Variants in EYS observed in about 807,000 individuals in gnomAD.
EYS encodes EGF-like photoreceptor maintenance factor, also known as protein eyes shut homolog.
A neutral mutation model predicts 282.1 loss-of-function variants in EYS; 250 were observed. That is an observed-to-expected ratio of 0.89 (90% CI 0.80 to 0.98). The LOEUF is 0.98. Ranked by LOEUF, EYS falls within the 50% of genes least tolerant of loss-of-function variation. EYS has a pLI of 0.00. For missense variants in EYS, 4,016 were observed against 3,709.0 expected, an observed-to-expected ratio of 1.08 and a Z score of -2.15; for synonymous variants, 1,355 against 1,282.9, an observed-to-expected ratio of 1.06 and a Z score of -1.20.
intron 26 of EYS, among the ~76,000 whole-genome samples, chr6:64,550,292 G>C (rs1582883502): frequency 6.6e-6 from 1 of 152,098 alleles, no homozygotes; most frequent in South Asian, 2.1e-4. Context: ...TCTACTTCTA[G>C]ATCCCTGAGG....
chr6:65,450,856 C>A (rs995198751), intron 5 of EYS, among the ~76,000 whole-genome samples: 13 of 152,058 alleles, frequency 8.5e-5, no homozygotes, highest in Admixed American at 8.5e-4. Flanking sequence ...AATATTGATG[C>A]CTTGTTAGCT....
rs373870039 is a variant in EYS, at chr6:65,256,376, G to A, written c.2023+39487C>T. ...GCTGGTGTGCTGCACCCACTAACTC[G>A]TCATCTAGCATTAGGTATATCTCCC... On this transcript the variant is annotated intron_variant, in intron 12 of 42. Coordinates refer to ENST00000503581, the MANE Select transcript of EYS (RefSeq NM_001142800.2). Among the ~76,000 whole-genome samples, 16 of 135,844 alleles carry A rather than the reference G, an allele frequency of 1.2e-4. No individual in the cohort carries two copies. The East Asian group carries it at 2.5e-3, about 21-fold the overall frequency. The allele number at this position is 135,844 out of a possible 152,430, so 89.1% of individuals were successfully genotyped here. A position where few individuals can be genotyped will look rare whatever the true frequency, so the allele number is the denominator to read the frequency against.
At chr6:64,380,814 G>A (rs537155990) in intron 29 of EYS, among the ~76,000 whole-genome samples, 14 of 152,014 alleles carry the variant, frequency 9.2e-5, no homozygotes, top group Admixed American at 3.3e-4. Flanking sequence ...TCAGGAGTTC[G>A]AGACCAGCCT....
Position 64,912,491 on chromosome 6 carries a change from A to C in EYS, c.2634T>G (p.Cys878Trp). The C allele has an allele frequency of 6.4e-7, 1 of 1,550,958 alleles. No individual in the cohort carries two copies. Among genetic ancestry groups the C allele is most frequent in the Non-Finnish European group, 8.7e-7 (1 of 1,146,370 alleles). The change falls in exon 16 of 43, where the codon TGT (cysteine) becomes TGG (tryptophan). Residue 878 changes from cysteine (C) to tryptophan (W), a missense_variant. By Grantham distance (215) the Cys-to-Trp change is radical. Transcript: ENST00000503581. ...ALVDANQHCI[C>W]REEFEGKNCE... ...ATCCATATTAGCTCTTACCTTCTCT[A>C]CAAATACAATGCTGATTTGCGTCTA...
At chr6:65,004,715 CA>C (rs1032765624) in intron 13 of EYS, among the ~76,000 whole-genome samples, 3 of 147,670 alleles carry the variant, frequency 2.0e-5, no homozygotes, top group African/African-American at 7.3e-5. Flanking sequence ...CAACTGCTGT[CA>C]TTCACCTGGC....
chr6:64,477,207 C>A (rs1776298105), intron 26 of EYS, among the ~76,000 whole-genome samples: 1 of 152,030 alleles, frequency 6.6e-6, no homozygotes, highest in Admixed American at 6.6e-5. Flanking sequence ...ATAATGTTTT[C>A]TTCTCTTGCC....
intron 31 of EYS, among the ~76,000 whole-genome samples, chr6:64,109,011 C>T (rs78899231): frequency 0.042 from 6,408 of 152,148 alleles, 399 homozygotes; most frequent in African/African-American, 0.14. Flanking sequence ...TCACGTAACA[C>T]TCTCAAGAAC....
At chr6:65,416,997 T>C (rs973913390) in intron 5 of EYS, among the ~76,000 whole-genome samples, 2 of 152,012 alleles carry the variant, frequency 1.3e-5, no homozygotes, top group Non-Finnish European at 2.9e-5. Context: ...GACAAAGAAT[T>C]GCTCCAAAAT....
intron 18 of EYS, among the ~76,000 whole-genome samples, chr6:64,901,038 A>G (rs957364815): frequency 9.2e-6 from 1 of 108,410 alleles, no homozygotes; most frequent in Non-Finnish European, 1.8e-5. Context: ...TGACACATAT[A>G]CACCATGAAA....
At chr6:64,649,604 C>A (rs1405076749) in intron 22 of EYS, among the ~76,000 whole-genome samples, 1 of 152,150 alleles carries the variant, frequency 6.6e-6, no homozygotes, top group Non-Finnish European at 1.5e-5. Flanking sequence ...TCCCAAAGTG[C>A]TAGGATTACA....
chr6:64,724,680 T>G (rs1771692293), intron 22 of EYS, among the ~76,000 whole-genome samples: 1 of 152,198 alleles, frequency 6.6e-6, no homozygotes, highest in Non-Finnish European at 1.5e-5. Flanking sequence ...AACTTCAAAA[T>G]GAATTCAGTA....
intron 5 of EYS, among the ~76,000 whole-genome samples, chr6:65,458,362 G>A (rs571797117): frequency 5.0e-4 from 76 of 152,098 alleles, no homozygotes; most frequent in African/African-American, 1.7e-3. Context: ...CAGAAACTAC[G>A]GATTCATCTT....
At chr6:64,251,216 A>G (rs1308083819) in intron 30 of EYS, among the ~76,000 whole-genome samples, 5 of 152,180 alleles carry the variant, frequency 3.3e-5, no homozygotes, top group Non-Finnish European at 7.4e-5. Context: ...AAACCTTAAA[A>G]TAGTCTTTAC....
chr6:65,220,436 A>G (rs1766433051), intron 12 of EYS, among the ~76,000 whole-genome samples: 2 of 152,120 alleles, frequency 1.3e-5, no homozygotes, highest in South Asian at 4.1e-4. Flanking sequence ...ATGAGATTTG[A>G]TAGTTTATAA....
chr6:63,907,538 C>G, intron 35 of EYS, among the ~76,000 whole-genome samples: 1 of 152,142 alleles, frequency 6.6e-6, no homozygotes. Context: ...ATAGATATAG[C>G]CCTTTTCTGT....
intron 26 of EYS, among the ~76,000 whole-genome samples, chr6:64,565,644 A>G (rs1055817206): frequency 2.6e-5 from 4 of 152,130 alleles, no homozygotes; most frequent in African/African-American, 7.2e-5. Context: ...CAAATGATAT[A>G]AAGTTTGAGT....
chr6:64,614,593 G>A (rs944855286), intron 24 of EYS, among the ~76,000 whole-genome samples: 5 of 152,136 alleles, frequency 3.3e-5, no homozygotes, highest in East Asian at 1.9e-4. Flanking sequence ...GTTACATTAC[G>A]ATAAACCCAT....
chr6:63,979,376 T>C (rs1236505617), intron 35 of EYS, among the ~76,000 whole-genome samples: 3 of 151,922 alleles, frequency 2.0e-5, no homozygotes, highest in Admixed American at 6.6e-5. Flanking sequence ...GAATAAAAGC[T>C]ATGAGAACAG....
At chr6:64,878,583 A>G (rs976476950) in intron 19 of EYS, among the ~76,000 whole-genome samples, 2 of 152,102 alleles carry the variant, frequency 1.3e-5, no homozygotes, top group African/African-American at 4.8e-5. Flanking sequence ...AAATCAAGGT[A>G]AGAACATTCA....
Sources: allele counts gnomAD v4.1 joint callset (sites outside exome capture counted in the v4.1 genomes callset), GRCh38; gene constraint gnomAD v4.1.1; transcripts MANE v1.5; gene names NCBI Gene and HGNC (gene_info 2026-07-23, HGNC 2026-07-21).